Variants in RANBP2 observed in about 807,000 individuals in gnomAD.
RANBP2 encodes the protein E3 SUMO-protein ligase RanBP2.
A neutral mutation model predicts 303.6 loss-of-function variants in RANBP2; 57 were observed. That is an observed-to-expected ratio of 0.19 (90% CI 0.15 to 0.23). The LOEUF is 0.23. Ranked by LOEUF, RANBP2 falls within the 10% of genes least tolerant of loss-of-function variation. RANBP2 has a pLI of 1.00. For missense variants in RANBP2, 3,138 were observed against 3,780.8 expected (o/e 0.83, Z 4.46); for synonymous variants, 1,167 against 1,301.5 (o/e 0.90, Z 2.23).
At chr2:109,399,056 C>T in the RANBP2 span, 3 of 1,224,196 alleles carry the variant, frequency 2.5e-6, no homozygotes, top group Non-Finnish European at 3.4e-6. Context: ...CCCAGAACTG[C>T]CTTTTGGGGT....
At chr2:109,411,818 CTG>C in the RANBP2 span, among the ~76,000 whole-genome samples, 1 of 152,244 alleles carries the variant, frequency 6.6e-6, no homozygotes, top group Non-Finnish European at 1.5e-5. Flanking sequence ...TGACCTCTCT[CTG>C]CTCTTCATTC....
the RANBP2 span, among the ~76,000 whole-genome samples, chr2:109,593,314 T>A: frequency 5.3e-5 from 8 of 152,172 alleles, no homozygotes; most frequent in African/African-American, 1.9e-4. Flanking sequence ...ATAAGTAAAT[T>A]ACATATAATA....
the RANBP2 span, among the ~76,000 whole-genome samples, chr2:108,959,966 T>A: frequency 6.6e-6 from 1 of 152,206 alleles, no homozygotes; most frequent in Non-Finnish European, 1.5e-5. Context: ...ACATGGTCCC[T>A]TTCCATTTAA....
chr2:109,140,492 T>C, the RANBP2 span, among the ~76,000 whole-genome samples: 1 of 152,120 alleles, frequency 6.6e-6, no homozygotes, highest in Admixed American at 6.5e-5. Context: ...ACCATTCTCC[T>C]GTCTCAGCCT....
At chr2:109,395,521 C>T in the RANBP2 span, among the ~76,000 whole-genome samples, 6 of 152,150 alleles carry the variant, frequency 3.9e-5, no homozygotes, top group African/African-American at 1.4e-4. Context: ...TCTTACTTCT[C>T]CTGCCGTCTG....
the RANBP2 span, chr2:109,449,574 T>C: frequency 6.7e-7 from 1 of 1,488,920 alleles, no homozygotes; most frequent in South Asian, 1.3e-5. Context: ...GTGGCATTTG[T>C]GCAATTGAAG....
At chr2:109,182,651 A>T in the RANBP2 span, among the ~76,000 whole-genome samples, 1 of 152,252 alleles carries the variant, frequency 6.6e-6, no homozygotes, top group East Asian at 1.9e-4. Context: ...GTGGGTAAGT[A>T]ATGGCTCCAG....
chr2:108,770,747 A>G (rs1254082980), intron 20 of RANBP2, among the ~76,000 whole-genome samples: 1 of 152,212 alleles, frequency 6.6e-6, no homozygotes, highest in Non-Finnish European at 1.5e-5. Flanking sequence ...TGTCCAAAAT[A>G]TCATTTTAAC....
chr2:109,332,845 C>G, the RANBP2 span, among the ~76,000 whole-genome samples: 2 of 152,210 alleles, frequency 1.3e-5, no homozygotes, highest in East Asian at 1.9e-4. Flanking sequence ...TAATTGTGTC[C>G]TCACAAAAGT....
the RANBP2 span, among the ~76,000 whole-genome samples, chr2:108,886,943 A>C: frequency 1.2e-4 from 19 of 152,150 alleles, no homozygotes; most frequent in Non-Finnish European, 2.5e-4. Flanking sequence ...TGTGCTTTTG[A>C]GGTCTCAGTC....
chr2:109,761,038 A>C, the RANBP2 span, among the ~76,000 whole-genome samples: 1 of 138,904 alleles, frequency 7.2e-6, no homozygotes, highest in Non-Finnish European at 1.6e-5. Context: ...AGCCAGGGGC[A>C]GAGCGCAGCC....
At chr2:108,985,313 C>G in the RANBP2 span, among the ~76,000 whole-genome samples, 1 of 152,182 alleles carries the variant, frequency 6.6e-6, no homozygotes, top group Non-Finnish European at 1.5e-5. Context: ...TTATTGCCCT[C>G]ATTGCTGATT....
the RANBP2 span, among the ~76,000 whole-genome samples, chr2:109,100,905 C>T: frequency 1.3e-5 from 2 of 152,144 alleles, no homozygotes; most frequent in East Asian, 1.9e-4. Flanking sequence ...GGAATGCAAG[C>T]AGAGATTTAA....
the RANBP2 span, among the ~76,000 whole-genome samples, chr2:109,719,640 C>A: frequency 6.6e-5 from 10 of 150,600 alleles, 1 homozygote; most frequent in South Asian, 1.5e-3. Flanking sequence ...CTCTTGATCT[C>A]GTGATCCGCT....
At chr2:109,183,404 G>T in the RANBP2 span, among the ~76,000 whole-genome samples, 10 of 152,178 alleles carry the variant, frequency 6.6e-5, no homozygotes. Flanking sequence ...GGTGATTTTG[G>T]AAACAAAGCT....
chr2:109,081,324 G>C, the RANBP2 span, among the ~76,000 whole-genome samples: 2 of 152,082 alleles, frequency 1.3e-5, no homozygotes, highest in African/African-American at 4.8e-5. Context: ...CTGATATTTG[G>C]GGGAAAGGAA....
At chr2:108,991,287 G>A in the RANBP2 span, among the ~76,000 whole-genome samples, 4 of 152,150 alleles carry the variant, frequency 2.6e-5, no homozygotes, top group Non-Finnish European at 5.9e-5. Context: ...AGAAATCATT[G>A]CTTATCTTCA....
At chr2:109,510,412 T>TGTGGGGGA in the RANBP2 span, among the ~76,000 whole-genome samples, 1 of 152,098 alleles carries the variant, frequency 6.6e-6, no homozygotes, top group Non-Finnish European at 1.5e-5. Flanking sequence ...GGTGAGGGCA[T>TGTGGGGGA]GTGGGGGAGC....
At chr2:109,060,351 G>C in the RANBP2 span, among the ~76,000 whole-genome samples, 1 of 152,100 alleles carries the variant, frequency 6.6e-6, no homozygotes, top group Non-Finnish European at 1.5e-5. Context: ...CTCCAGGTTG[G>C]GCTGGTTACA....
Sources: gnomAD v4.1 joint callset for allele counts (sites outside exome capture counted in the v4.1 genomes callset) on GRCh38, gnomAD v4.1.1 for gene constraint, MANE v1.5 for transcripts, NCBI Gene and HGNC (gene_info 2026-07-23, HGNC 2026-07-21) for gene names.